Variants in ASIC2 observed in about 807,000 individuals in gnomAD.
The protein encoded by ASIC2 is acid sensing ion channel subunit 2, also known as acid-sensing ion channel 2.
A neutral mutation model predicts 57.3 loss-of-function variants in ASIC2; 25 were observed. The ratio of observed to expected loss-of-function variants is 0.44; its 90% CI spans 0.32 to 0.61. The LOEUF is 0.61. ASIC2 is among the 20% of genes least tolerant of loss of function. ASIC2 has a pLI of 0.06. For synonymous variants in ASIC2, 319 were observed against 307.5 expected (o/e 1.04, Z -0.39); for missense variants, 641 against 738.1 (o/e 0.87, Z 1.52).
At chr17:33,241,182 C>T (rs944200970) in intron 1 of ASIC2, among the ~76,000 whole-genome samples, 1 of 152,220 alleles carries the variant, frequency 6.6e-6, no homozygotes, top group African/African-American at 2.4e-5. Flanking sequence ...CACATTGTTT[C>T]TCTTAAATGC....
At chr17:33,636,761 C>T (rs1220607327) in intron 1 of ASIC2, among the ~76,000 whole-genome samples, 3 of 152,064 alleles carry the variant, frequency 2.0e-5, no homozygotes, top group African/African-American at 7.3e-5. Flanking sequence ...AATATGAGCT[C>T]AGACACTTGC....
At chr17:33,199,176 G>A (rs528178528) in intron 1 of ASIC2, among the ~76,000 whole-genome samples, 5 of 152,224 alleles carry the variant, frequency 3.3e-5, no homozygotes, top group Non-Finnish European at 5.9e-5. Flanking sequence ...ATTTATTAAG[G>A]ACCAATAATA....
At chr17:33,148,631 A>G (rs1282530752) in intron 1 of ASIC2, among the ~76,000 whole-genome samples, 2 of 152,238 alleles carry the variant, frequency 1.3e-5, no homozygotes, top group Admixed American at 6.5e-5. Flanking sequence ...GAATGATAAT[A>G]AATTCCATAC....
intron 1 of ASIC2, among the ~76,000 whole-genome samples, chr17:33,749,460 T>C (rs1035367040): frequency 2.0e-5 from 3 of 151,992 alleles, no homozygotes; most frequent in Admixed American, 2.0e-4. Context: ...CCTGTTCCTC[T>C]CCTCTACTCC....
At chr17:33,593,819 C>T (rs1030748141) in intron 1 of ASIC2, among the ~76,000 whole-genome samples, 1 of 152,214 alleles carries the variant, frequency 6.6e-6, no homozygotes, top group Non-Finnish European at 1.5e-5. Context: ...ACCTCCCTGA[C>T]TGCTACACTT....
At chr17:33,192,004 C>T (rs1157103669) in intron 1 of ASIC2, among the ~76,000 whole-genome samples, 3 of 152,168 alleles carry the variant, frequency 2.0e-5, no homozygotes, top group Non-Finnish European at 4.4e-5. Context: ...ACAGATCTTT[C>T]TGTTTTCTAC....
chr17:33,427,147 G>C (rs569199431), intron 1 of ASIC2, among the ~76,000 whole-genome samples: 1 of 152,152 alleles, frequency 6.6e-6, no homozygotes, highest in South Asian at 2.1e-4. Flanking sequence ...AGAAGGATTC[G>C]GGACTTACCC....
At chr17:33,902,075 A>G (rs919941128) in intron 1 of ASIC2, among the ~76,000 whole-genome samples, 4 of 152,080 alleles carry the variant, frequency 2.6e-5, no homozygotes, top group Non-Finnish European at 4.4e-5. Context: ...CTCTCTATCA[A>G]TGCGCTTGTA....
intron 1 of ASIC2, among the ~76,000 whole-genome samples, chr17:33,606,447 C>T (rs963287768): frequency 3.9e-5 from 6 of 152,186 alleles, no homozygotes; most frequent in African/African-American, 1.4e-4. Context: ...TGCTGAAATA[C>T]AGAGGCATAC....
At chr17:33,143,330 A>G (rs1904407624) in intron 1 of ASIC2, among the ~76,000 whole-genome samples, 1 of 152,196 alleles carries the variant, frequency 6.6e-6, no homozygotes, top group African/African-American at 2.4e-5. Context: ...CTCATTTTCA[A>G]TAGTATTAAT....
chr17:33,728,166 A>G (rs560364364), intron 1 of ASIC2, among the ~76,000 whole-genome samples: 1 of 152,220 alleles, frequency 6.6e-6, no homozygotes, highest in South Asian at 2.1e-4. Flanking sequence ...GAAGACTCCA[A>G]GAGGGCTACT....
chr17:33,378,831 C>G (rs1909372802), intron 1 of ASIC2, among the ~76,000 whole-genome samples: 1 of 152,162 alleles, frequency 6.6e-6, no homozygotes, highest in Admixed American at 6.5e-5. Context: ...AGCTTTGGAT[C>G]TGGACAGGAA....
At chr17:33,667,381 A>G (rs968964973) in intron 1 of ASIC2, among the ~76,000 whole-genome samples, 1 of 152,204 alleles carries the variant, frequency 6.6e-6, no homozygotes, top group Non-Finnish European at 1.5e-5. Context: ...AAACACCCAC[A>G]CAACGGAAGT....
chr17:33,637,637 C>T (rs1906414073), intron 1 of ASIC2, among the ~76,000 whole-genome samples: 1 of 152,154 alleles, frequency 6.6e-6, no homozygotes, highest in Admixed American at 6.5e-5. Flanking sequence ...AATAAATATA[C>T]ACAATGCTAT....
intron 3 of ASIC2, among the ~76,000 whole-genome samples, chr17:33,041,796 C>T (rs748600093): frequency 2.2e-4 from 34 of 152,274 alleles, no homozygotes; most frequent in Non-Finnish European, 3.5e-4. Context: ...CAGGACTAGC[C>T]GATGGTCAGG....
At chr17:33,910,593 C>T (rs1488239952) in intron 1 of ASIC2, among the ~76,000 whole-genome samples, 1 of 152,156 alleles carries the variant, frequency 6.6e-6, no homozygotes, top group Non-Finnish European at 1.5e-5. Flanking sequence ...TTTTATGGGT[C>T]ATCTTTTCCC....
chr17:34,053,566 C>A (rs1016969736), intron 1 of ASIC2, among the ~76,000 whole-genome samples: 10 of 152,172 alleles, frequency 6.6e-5, no homozygotes, highest in African/African-American at 2.4e-4. Flanking sequence ...CCACACTGTG[C>A]ACTAAACATT....
rs574060685 is a variant in ASIC2 at position 33,172,178 on chromosome 17, T to A, written c.709-60111A>T. 1.4e-3 allele frequency among the ~76,000 whole-genome samples: 214 copies of A among 152,286 alleles called. 2 individuals carry two copies. Among genetic ancestry groups the A allele is most frequent in the Middle Eastern group, 0.01 (3 of 294 alleles). ...TGCTGCATGAAACTTTTCCAATAAC[T>A]AGTAGTGGATTGGATGAGTAATGTA... On this transcript the variant is annotated intron_variant, in intron 1 of 9. Transcript: ENST00000225823.
rs1904385612 is a variant in ASIC2, at chr17:33,580,160, C to T, written c.556-468093G>A. On this transcript the variant is annotated intron_variant, in intron 1 of 9. Transcript: ENST00000359872. ...GGGTAGTAAGTTGACCACCAGACCA[C>T]TTTATACAGCATCCAAACTGGCATG... 2.0e-5 allele frequency: 3 copies of T among 152,206 alleles called. No individual in the cohort carries two copies. The South Asian group carries it at 6.2e-4, about 32-fold the overall frequency. 9.4% of individuals were successfully genotyped at this position (152,206 alleles called of 1,614,324 possible). A position where few individuals can be genotyped will look rare whatever the true frequency, so the allele number is the denominator to read the frequency against.
Sources: gnomAD v4.1 joint callset for allele counts (sites outside exome capture counted in the v4.1 genomes callset) on GRCh38, gnomAD v4.1.1 for gene constraint, MANE v1.5 for transcripts, NCBI Gene and HGNC (gene_info 2026-07-23, HGNC 2026-07-21) for gene names.